The following RUNX1T1 variants were observed in gnomAD, a reference collection of about 807,000 sequenced individuals.
The protein encoded by RUNX1T1 is protein CBFA2T1.
In RUNX1T1, 4 loss-of-function variants were observed where a neutral mutation model predicts 62.8. That is an observed-to-expected ratio of 0.06 (90% CI 0.03 to 0.15). The LOEUF (loss-of-function observed/expected upper bound fraction) is 0.15. Ranked by LOEUF, RUNX1T1 falls within the 10% of genes least tolerant of loss-of-function variation. The pLI, the probability that RUNX1T1 is intolerant of heterozygous loss-of-function variation, is 1.00. For synonymous variants in RUNX1T1, 291 were observed against 286.0 expected (o/e 1.02, Z -0.18); for missense variants, 508 against 754.3 (o/e 0.67, Z 3.82).
intron 5 of RUNX1T1, among the ~76,000 whole-genome samples, chr8:91,993,046 T>G (rs1437470984): frequency 6.6e-6 from 1 of 152,196 alleles, no homozygotes; most frequent in Non-Finnish European, 1.5e-5. Context: ...ACTCTTATCT[T>G]TAGACAGGTG....
chr8:92,051,536 A>C (rs1465698776), intron 1 of RUNX1T1, among the ~76,000 whole-genome samples: 1 of 151,986 alleles, frequency 6.6e-6, no homozygotes, highest in African/African-American at 2.4e-5. Flanking sequence ...ATACACATAC[A>C]TTCTCTCTTG....
intron 1 of RUNX1T1, among the ~76,000 whole-genome samples, chr8:92,057,658 G>A (rs779377389): frequency 5.9e-5 from 9 of 152,132 alleles, no homozygotes; most frequent in Non-Finnish European, 8.8e-5. Flanking sequence ...ATATAATTAA[G>A]CTAGACCTTC....
At chr8:91,984,675 A>T (rs1816164406) in intron 8 of RUNX1T1, among the ~76,000 whole-genome samples, 1 of 152,166 alleles carries the variant, frequency 6.6e-6, no homozygotes, top group South Asian at 2.1e-4. Flanking sequence ...CCTAGACTGG[A>T]CGGTTATAAA....
intron 1 of RUNX1T1, among the ~76,000 whole-genome samples, chr8:92,089,925 T>TAAAAAA (rs36052605): frequency 1.2e-5 from 1 of 80,160 alleles, no homozygotes. Context: ...TCCCTGAATT[T>TAAAAAA]AAAAAAAAAA....
intron 1 of RUNX1T1, among the ~76,000 whole-genome samples, chr8:92,030,540 G>C (rs1474399033): frequency 6.6e-6 from 1 of 152,176 alleles, no homozygotes; most frequent in Non-Finnish European, 1.5e-5. Context: ...AATAACAACT[G>C]ACGATAATAA....
At chr8:91,959,335 G>A (rs950313155) in exon 11 of RUNX1T1, 6 of 223,678 alleles carry the variant, frequency 2.7e-5, no homozygotes, top group African/African-American at 1.1e-4. Flanking sequence ...GTGAAGAAAC[G>A]TTGAAGGGTT....
intron 1 of RUNX1T1, among the ~76,000 whole-genome samples, chr8:92,042,113 C>A: frequency 6.6e-6 from 1 of 151,308 alleles, no homozygotes; most frequent in East Asian, 2.0e-4. Flanking sequence ...GTGATCTGTG[C>A]CTGGCCTGAA....
At chr8:92,048,759 T>C (rs1829795925) in intron 1 of RUNX1T1, among the ~76,000 whole-genome samples, 1 of 151,940 alleles carries the variant, frequency 6.6e-6, no homozygotes, top group Non-Finnish European at 1.5e-5. Context: ...CTTTCTATTA[T>C]TGGAATCTGA....
downstream of RUNX1T1, chr8:91,955,211 C>T (rs1809177552): frequency 4.6e-6 from 1 of 219,776 alleles, no homozygotes; most frequent in African/African-American, 2.2e-5. Flanking sequence ...TCCTATTTGT[C>T]CAACATATCC....
chr8:91,987,496 A>T (rs1816822708), intron 6 of RUNX1T1, among the ~76,000 whole-genome samples: 1 of 152,190 alleles, frequency 6.6e-6, no homozygotes, highest in Non-Finnish European at 1.5e-5. Flanking sequence ...TTAGACCATG[A>T]AGAAAAGGCT....
At chr8:91,972,411 A>G (rs1192129441) in intron 9 of RUNX1T1, among the ~76,000 whole-genome samples, 1 of 152,152 alleles carries the variant, frequency 6.6e-6, no homozygotes, top group Non-Finnish European at 1.5e-5. Flanking sequence ...TGGAAATATT[A>G]ACTAAATTAT....
intron 6 of RUNX1T1, among the ~76,000 whole-genome samples, chr8:91,987,452 A>G (rs895762721): frequency 6.6e-6 from 1 of 152,198 alleles, no homozygotes; most frequent in Non-Finnish European, 1.5e-5. Context: ...GTGTAAATGA[A>G]TACAATCCTA....
At chr8:92,049,113 GTC>G (rs144570987) in intron 1 of RUNX1T1, among the ~76,000 whole-genome samples, 1,595 of 152,232 alleles carry the variant, frequency 0.01, 21 homozygotes, top group African/African-American at 0.036. Flanking sequence ...TACTACCTAA[GTC>G]TCTGTATTTG....
intron 8 of RUNX1T1, chr8:91,979,878 T>A (rs780788572): frequency 5.6e-6 from 3 of 531,672 alleles, no homozygotes; most frequent in South Asian, 4.6e-5. Flanking sequence ...TGACCTCATA[T>A]GACCCAGGAC....
chr8:92,011,465 C>T (rs181348340), intron 3 of RUNX1T1, among the ~76,000 whole-genome samples: 3 of 152,264 alleles, frequency 2.0e-5, no homozygotes, highest in East Asian at 3.9e-4. Flanking sequence ...CTTAAAGGAC[C>T]GAGGGCAAGT....
intron 1 of RUNX1T1, among the ~76,000 whole-genome samples, chr8:92,020,443 G>A (rs1046999658): frequency 1.3e-5 from 2 of 152,028 alleles, no homozygotes; most frequent in Non-Finnish European, 2.9e-5. Flanking sequence ...TTAAGTTCAT[G>A]GAAATTATAG....
intron 1 of RUNX1T1, among the ~76,000 whole-genome samples, chr8:92,043,448 A>G (rs1208025820): frequency 2.6e-5 from 4 of 152,076 alleles, no homozygotes; most frequent in Non-Finnish European, 5.9e-5. Context: ...TCACAAAAGT[A>G]GAGAAAACTT....
chr8:92,054,730 G>A (rs183684465), intron 1 of RUNX1T1, among the ~76,000 whole-genome samples: 3 of 152,238 alleles, frequency 2.0e-5, no homozygotes, highest in South Asian at 2.1e-4. Context: ...GGCCAGGCGC[G>A]GCGGCTCATG....
chr8:92,014,585 T>G (rs765052630), exon 3 of RUNX1T1: 1 of 1,601,682 alleles, frequency 6.2e-7, no homozygotes, highest in Non-Finnish European at 8.5e-7. Flanking sequence ...TTACCACTAG[T>G]CCCAGAACGA....
Sources: gnomAD v4.1 joint callset for allele counts (sites outside exome capture counted in the v4.1 genomes callset) on GRCh38, gnomAD v4.1.1 for gene constraint, MANE v1.5 for transcripts, NCBI Gene and HGNC (gene_info 2026-07-23, HGNC 2026-07-21) for gene names.